The following INTS9 variants were observed in gnomAD, a reference collection of about 807,000 sequenced individuals.
The protein encoded by INTS9 is integrator complex subunit 9, also known as protein related to CPSF subunits of 74 kDa.
In INTS9, 55 loss-of-function variants were observed where a neutral mutation model predicts 79.7. That is an observed-to-expected ratio of 0.69 (90% CI 0.56 to 0.86). INTS9 has a LOEUF of 0.86. INTS9 is among the 40% of genes least tolerant of loss of function. INTS9 has a pLI of 0.00. For missense variants in INTS9, 721 were observed against 831.5 expected (o/e 0.87, Z 1.64); for synonymous variants, 319 against 325.2 (o/e 0.98, Z 0.20).
At chr8:28,845,012 T>C (rs183568805) in intron 4 of INTS9, among the ~76,000 whole-genome samples, 1 of 152,330 alleles carries the variant, frequency 6.6e-6, no homozygotes, top group African/African-American at 2.4e-5. Flanking sequence ...CACATGTAAG[T>C]GGACTTTCCC....
At chr8:28,771,947 A>G (rs1376063462) in intron 14 of INTS9, among the ~76,000 whole-genome samples, 2 of 151,560 alleles carry the variant, frequency 1.3e-5, no homozygotes, top group Non-Finnish European at 2.9e-5. Flanking sequence ...TGCAACCTCA[A>G]CCTCCTGGGC....
rs779554252 is a variant in INTS9 at position 28,812,461 on chromosome 8, C to G, written c.610G>C (p.Glu204Gln). Residue 204 changes from glutamate (E) to glutamine (Q), a missense_variant and splice_region_variant, in exon 8 of 17, where the codon GAG becomes CAG. Glu to Gln is a conservative substitution (Grantham distance 29). This residue lies in a region of INTS9 where 291 missense variants were observed against 307.0 expected (regional missense o/e 0.95). Coordinates refer to ENST00000521022, the MANE Select transcript of INTS9 (RefSeq NM_018250.4). The stretch of plus-strand genomic sequence containing the variant: ...GTCACCTGGACCGCACCAAAAAGCT[C>G]CTAAAAGAGAACCACAGTAAGAATG... Reference protein sequence around the residue: ...IQLVGYSQKIELFGAVQVTPL... With the variant: ...IQLVGYSQKIQLFGAVQVTPL... 6.2e-7 allele frequency: 1 copy of G among 1,613,030 alleles called. No homozygotes were observed. The highest frequency in any genetic ancestry group is 8.5e-7 in the Non-Finnish European group (1 of 1,179,696).
chr8:28,838,234 A>C (rs1003386478), intron 4 of INTS9, among the ~76,000 whole-genome samples: 12 of 151,908 alleles, frequency 7.9e-5, no homozygotes, highest in Non-Finnish European at 1.3e-4. Context: ...ATGGAGAGAC[A>C]ACTTGTTTTG....
chr8:28,811,034 A>C (rs1324470253), intron 8 of INTS9, among the ~76,000 whole-genome samples: 3 of 152,084 alleles, frequency 2.0e-5, no homozygotes, highest in African/African-American at 7.2e-5. Flanking sequence ...GCTTATTCTT[A>C]CTTTAGGGGC....
At chr8:28,773,080 A>G (rs758821511) in intron 14 of INTS9, among the ~76,000 whole-genome samples, 1 of 152,214 alleles carries the variant, frequency 6.6e-6, no homozygotes, top group Non-Finnish European at 1.5e-5. Context: ...AAATTTTCTT[A>G]TGGAAATAAA....
intron 16 of INTS9, 78 bp from the exon 17 acceptor site, chr8:28,768,400 C>G (rs556835671): frequency 7.7e-5 from 105 of 1,361,186 alleles, no homozygotes; most frequent in Non-Finnish European, 1.0e-4. Flanking sequence ...TTCACAGACT[C>G]GACTGAACTT....
chr8:28,833,782 G>A (rs1037054482), intron 6 of INTS9, among the ~76,000 whole-genome samples: 3 of 152,126 alleles, frequency 2.0e-5, no homozygotes, highest in African/African-American at 7.2e-5. Context: ...GAATTGCTAA[G>A]GTTAGAGAAA....
chr8:28,834,845 T>C (rs1806709102), intron 6 of INTS9, among the ~76,000 whole-genome samples: 1 of 152,182 alleles, frequency 6.6e-6, no homozygotes, highest in Admixed American at 6.5e-5. Flanking sequence ...CAGCTAATTT[T>C]TTTGCATTTT....
At chr8:28,815,757 C>T (rs1478687132) in intron 6 of INTS9, among the ~76,000 whole-genome samples, 1 of 151,956 alleles carries the variant, frequency 6.6e-6, no homozygotes, top group East Asian at 1.9e-4. Context: ...AGCAAGATGC[C>T]ACATAAGGGA....
chr8:28,842,668 T>A (rs1281318645), intron 4 of INTS9, among the ~76,000 whole-genome samples: 3 of 144,032 alleles, frequency 2.1e-5, no homozygotes, highest in Non-Finnish European at 3.0e-5. Context: ...CACCTCCCAC[T>A]TTTTTTTTTT....
intron 8 of INTS9, among the ~76,000 whole-genome samples, chr8:28,805,128 C>T (rs537824570): frequency 6.6e-6 from 1 of 152,254 alleles, no homozygotes; most frequent in Non-Finnish European, 1.5e-5. Context: ...ACTACATTCA[C>T]AGGAAAAACA....
intron 1 of INTS9, among the ~76,000 whole-genome samples, chr8:28,886,526 C>CA (rs1810185813): frequency 6.6e-6 from 1 of 152,220 alleles, no homozygotes. Flanking sequence ...GGATTACAGT[C>CA]ATGAACCACT....
At position 28,822,458 on chromosome 8, in the gene INTS9, T is replaced by C. The variant is rs868722760; in HGVS notation, c.489-8846A>G. Reference sequence around the variant, plus strand: ...TAGCCGTGTAATAGCATACACAATATGTAAACAAGTGTGGCTGTGTTCTGA... The same window carrying C: ...TAGCCGTGTAATAGCATACACAATACGTAAACAAGTGTGGCTGTGTTCTGA... On this transcript the variant is annotated intron_variant, in intron 6 of 16. Transcript: ENST00000521022. Among the ~76,000 whole-genome samples, 9 of 152,324 alleles carry C rather than the reference T, an allele frequency of 5.9e-5. No individual in the cohort carries two copies. The South Asian group carries it at 1.7e-3, about 28-fold the overall frequency.
At chr8:28,808,531 C>T (rs899155265) in intron 8 of INTS9, among the ~76,000 whole-genome samples, 5 of 152,128 alleles carry the variant, frequency 3.3e-5, no homozygotes, top group Non-Finnish European at 5.9e-5. Flanking sequence ...AGACTTGCCT[C>T]CACATCCCAG....
intron 6 of INTS9, among the ~76,000 whole-genome samples, chr8:28,822,525 A>C (rs772828468): frequency 4.6e-5 from 7 of 152,198 alleles, no homozygotes; most frequent in Non-Finnish European, 1.0e-4. Context: ...TCTGGCCCAA[A>C]AACAGTGCTG....
At chr8:28,795,729 T>A (rs1305322699) in intron 9 of INTS9, among the ~76,000 whole-genome samples, 2 of 145,796 alleles carry the variant, frequency 1.4e-5, no homozygotes, top group Admixed American at 6.8e-5. Context: ...AAGATGGCAA[T>A]CATCTGCATC....
In INTS9 at chr8:28,796,394, CTAT is replaced by C. The variant is rs536497064; in HGVS notation, c.856+147_856+149del. 203 of 554,300 alleles carry C rather than the reference CTAT, an allele frequency of 3.7e-4. 2 individuals carry two copies. Among genetic ancestry groups the C allele is most frequent in the African/African-American group, 3.6e-3 (191 of 53,494 alleles). 34.3% of individuals were successfully genotyped at this position (554,300 alleles called of 1,614,324 possible). The stretch of plus-strand genomic sequence containing the variant: ...TCAAAGTGTAACACTCTTTTCTGTG[CTAT>C]TATTTGCAAAGATATACTGCCTCCC... On this transcript the variant is annotated intron_variant, in intron 9 of 16. Transcript: ENST00000521022.
intron 1 of INTS9, among the ~76,000 whole-genome samples, chr8:28,872,795 G>C (rs779106673): frequency 6.6e-6 from 1 of 152,188 alleles, no homozygotes; most frequent in Non-Finnish European, 1.5e-5. Context: ...ACACAACAGA[G>C]ATGTAAACAT....
chr8:28,777,917 T>A lies in INTS9; in HGVS notation c.1307A>T (p.Tyr436Phe). 2 of 1,611,790 alleles carry A rather than the reference T, an allele frequency of 1.2e-6. No individual in the cohort carries two copies. Among genetic ancestry groups the A allele is most frequent in the Non-Finnish European group, 1.7e-6 (2 of 1,179,150 alleles). Residue 436 changes from tyrosine to phenylalanine, a missense_variant, in exon 13 of 17, where the codon TAC (tyrosine) becomes TTC (phenylalanine). Tyr to Phe is a conservative substitution (Grantham distance 22). This residue lies in a region of INTS9 where 281 missense variants were observed against 300.8 expected (regional missense o/e 0.93). Transcript: ENST00000521022. ...DFSYLEALAP[Y>F]QPLAMKCIYC... ...GATGCATTTCATGGCCAGCGGCTGG[T>A]AAGGAGCCAGGGCTTCCAGGTAGGA...
Sources: gnomAD v4.1 joint callset for allele counts (sites outside exome capture counted in the v4.1 genomes callset) on GRCh38, gnomAD v4.1.1 for gene constraint, gnomAD v4.1.1 regional missense constraint, MANE v1.5 for transcripts, NCBI Gene and HGNC (gene_info 2026-07-23, HGNC 2026-07-21) for gene names.